PCNX1: variants seen among roughly 807,000 people sequenced by gnomAD.
PCNX1 encodes the protein pecanex 1, also known as pecanex-like protein 1.
PCNX1 carries 78 observed loss-of-function variants against 242.2 expected under a neutral mutation model. The ratio of observed to expected loss-of-function variants is 0.32; its 90% CI spans 0.27 to 0.39. The LOEUF is 0.39. PCNX1 is among the 10% of genes least tolerant of loss of function. The pLI, the probability that PCNX1 is intolerant of heterozygous loss-of-function variation, is 1.00. For synonymous variants in PCNX1, 1,024 were observed against 1,032.9 expected (o/e 0.99, Z 0.17); for missense variants, 2,581 against 2,856.5 (o/e 0.90, Z 2.20).
intron 6 of PCNX1, among the ~76,000 whole-genome samples, chr14:70,983,467 G>A (rs1410622154): frequency 6.6e-6 from 1 of 152,066 alleles, no homozygotes; most frequent in Admixed American, 6.6e-5. Flanking sequence ...ACGACACCCG[G>A]TTAATTTTTG....
rs759690939 is a variant in PCNX1 at position 70,947,069 on chromosome 14, C to A, written c.308C>A (p.Thr103Asn). 2.5e-6 allele frequency: 4 copies of A among 1,613,410 alleles called. No individual in the cohort carries two copies. Among genetic ancestry groups the A allele is most frequent in the Admixed American group, 1.7e-5 (1 of 59,872 alleles). ...RTANEFTDQR[T>N]KAEQGNCSTR... ...GCAAATGAGTTCACGGATCAGCGAA[C>A]CAAAGCTGAACAAGGCAACTGTTCA... The change falls in exon 2 of 36, where the codon ACC (threonine) becomes AAC (asparagine). Residue 103 changes from threonine to asparagine, a missense_variant. This residue lies in a region of PCNX1 where 1,204 missense variants were observed against 1,216.7 expected (regional missense o/e 0.99). Transcript: ENST00000304743.
chr14:70,962,522 TG>T lies in PCNX1; in HGVS notation c.468+192del, dbSNP rs572882148. Among the ~76,000 whole-genome samples, 132 of 152,390 alleles carry T rather than the reference TG, an allele frequency of 8.7e-4. 1 individual carries two copies. The South Asian group carries it at 0.01, about 12-fold the overall frequency. ...TCACATTGATTAATTACAGATTTGT[TG>T]AGCATTACCACAGACTCATCTTTGG... On this transcript the variant is annotated intron_variant, in intron 3 of 35. Coordinates refer to ENST00000304743, the MANE Select transcript of PCNX1 (RefSeq NM_014982.3).
chr14:70,946,763 G>T, intron 1 of PCNX1, 152 bp from the exon 2 acceptor site: 1 of 605,022 alleles, frequency 1.7e-6, no homozygotes, highest in Non-Finnish European at 2.9e-6. Context: ...TTTGCATTGG[G>T]CATTGAAGCT....
chr14:71,044,469 C>G (rs142739466), intron 19 of PCNX1: 9 of 152,432 alleles, frequency 5.9e-5, no homozygotes, highest in African/African-American at 1.9e-4. Context: ...CACAAATGGT[C>G]TCTGTCCTGT....
chr14:70,927,214 C>T (rs1409533356), intron 1 of PCNX1, among the ~76,000 whole-genome samples: 4 of 152,260 alleles, frequency 2.6e-5, no homozygotes, highest in South Asian at 2.1e-4. Context: ...ATATCTGAGA[C>T]TTAATAGGTG....
intron 22 of PCNX1, chr14:71,049,273 G>T (rs2060953545): frequency 5.5e-6 from 1 of 181,502 alleles, no homozygotes; most frequent in African/African-American, 2.4e-5. Context: ...TAGATGCTTA[G>T]GCTACACCAA....
At chr14:71,012,853 A>G in intron 10 of PCNX1, 132 bp from the exon 11 acceptor site, 1 of 681,384 alleles carries the variant, frequency 1.5e-6, no homozygotes, top group Admixed American at 2.6e-5. Flanking sequence ...ATGAGAGAAG[A>G]AAATTAAAGG....
intron 1 of PCNX1, among the ~76,000 whole-genome samples, chr14:70,944,578 A>C (rs2057387686): frequency 1.3e-5 from 2 of 152,080 alleles, no homozygotes; most frequent in African/African-American, 4.8e-5. Flanking sequence ...TGGACTTTTG[A>C]GTTAATGCTG....
At chr14:70,930,489 C>T (rs903957672) in intron 1 of PCNX1, among the ~76,000 whole-genome samples, 1 of 151,970 alleles carries the variant, frequency 6.6e-6, no homozygotes, top group Admixed American at 6.6e-5. Flanking sequence ...TCTATTGTAG[C>T]TAAAAATATA....
intron 1 of PCNX1, among the ~76,000 whole-genome samples, chr14:70,941,569 T>A (rs1435385511): frequency 2.0e-5 from 3 of 152,228 alleles, no homozygotes; most frequent in African/African-American, 4.8e-5. Flanking sequence ...GTTAGGCTAC[T>A]TGGGGGTCAG....
At chr14:71,031,708 C>A (rs1475243951) in intron 16 of PCNX1, 2 of 898,138 alleles carry the variant, frequency 2.2e-6, no homozygotes, top group Admixed American at 1.9e-5. Flanking sequence ...AGCTAAGTGG[C>A]CTTTGGCCTT....
At chr14:70,949,837 A>T (rs1056433152) in intron 2 of PCNX1, among the ~76,000 whole-genome samples, 3 of 152,144 alleles carry the variant, frequency 2.0e-5, no homozygotes, top group African/African-American at 4.8e-5. Context: ...CCCTAATATA[A>T]CTCTTGGAAA....
At chr14:71,030,122 C>A (rs561470696) in intron 16 of PCNX1, among the ~76,000 whole-genome samples, 1 of 152,232 alleles carries the variant, frequency 6.6e-6, no homozygotes, top group African/African-American at 2.4e-5. Flanking sequence ...GTTGTACATT[C>A]ATATATCACA....
At chr14:70,955,866 T>C (rs1215953916) in intron 2 of PCNX1, among the ~76,000 whole-genome samples, 1 of 152,224 alleles carries the variant, frequency 6.6e-6, no homozygotes, top group Non-Finnish European at 1.5e-5. Context: ...GAGGGTTTTT[T>C]TTTTTAAATG....
intron 9 of PCNX1, 114 bp downstream of exon 9, chr14:71,009,838 G>C (rs2059773008): frequency 2.1e-6 from 1 of 475,654 alleles, no homozygotes; most frequent in African/African-American, 2.0e-5. Context: ...ATTTAATGTT[G>C]TTAATTGACA....
intron 26 of PCNX1, among the ~76,000 whole-genome samples, chr14:71,068,591 C>CGTGT (rs373964832): frequency 0.18 from 21,657 of 123,734 alleles, 2,420 homozygotes; most frequent in Admixed American, 0.27. Context: ...TATGTACGTG[C>CGTGT]GTGTGTGTGT....
At chr14:71,061,804 A>T (rs945431117) in intron 26 of PCNX1, among the ~76,000 whole-genome samples, 3 of 152,182 alleles carry the variant, frequency 2.0e-5, no homozygotes, top group Non-Finnish European at 4.4e-5. Flanking sequence ...GTGGACAAGG[A>T]TGACATTGAT....
intron 5 of PCNX1, among the ~76,000 whole-genome samples, chr14:70,970,995 G>A (rs956797502): frequency 1.3e-5 from 2 of 152,022 alleles, no homozygotes; most frequent in African/African-American, 4.8e-5. Context: ...GCATGTTATT[G>A]CTTAGAGAGA....
intron 3 of PCNX1, among the ~76,000 whole-genome samples, chr14:70,964,186 C>T (rs1405227267): frequency 6.6e-6 from 1 of 152,168 alleles, no homozygotes; most frequent in Non-Finnish European, 1.5e-5. Context: ...CGTGCCTCAG[C>T]CTCCTAAGTA....
Sources: gnomAD v4.1 joint callset for allele counts (sites outside exome capture counted in the v4.1 genomes callset) on GRCh38, gnomAD v4.1.1 for gene constraint, gnomAD v4.1.1 regional missense constraint, MANE v1.5 for transcripts, NCBI Gene and HGNC (gene_info 2026-07-23, HGNC 2026-07-21) for gene names.